RNF14: variants seen among roughly 807,000 people sequenced by gnomAD.
RNF14 encodes ring finger protein 14.
A neutral mutation model predicts 52.6 loss-of-function variants in RNF14; 26 were observed. The observed-to-expected ratio is 0.49, with a 90% CI of 0.36 to 0.69. RNF14 has a LOEUF of 0.69. RNF14 is among the 30% of genes least tolerant of loss of function. The probability of loss-of-function intolerance (pLI) is 0.00; values close to 1 mark genes in which losing one functional copy is unlikely to be tolerated. For missense variants in RNF14, 404 were observed against 560.4 expected (o/e 0.72, Z 2.82); for synonymous variants, 194 against 202.0 (o/e 0.96, Z 0.34).
upstream of RNF14, chr5:141,955,804 G>A: frequency 6.2e-7 from 1 of 1,613,808 alleles, no homozygotes; most frequent in South Asian, 1.1e-5. The surrounding 1 kb of genome is among the most constrained non-coding windows in gnomAD (Gnocchi z 5.5). Context: ...CTGTAAGGGG[G>A]GGCTTCCCTG....
At chr5:141,965,670 C>T (rs942898108), upstream of RNF14, among the ~76,000 whole-genome samples, 5 of 152,140 alleles carry the variant, frequency 3.3e-5, no homozygotes, top group African/African-American at 1.2e-4. Flanking sequence ...CTGGCCAAAC[C>T]TTAGTGCCTC....
At chr5:141,957,181 T>C (rs1230139776), upstream of RNF14, 5 of 1,614,046 alleles carry the variant, frequency 3.1e-6, no homozygotes, top group Admixed American at 3.3e-5. The surrounding 1 kb of genome is among the most constrained non-coding windows in gnomAD (Gnocchi z 4.3). Flanking sequence ...GGTACCTGAC[T>C]TGGGGGGGTT....
chr5:141,978,498 G>C lies in RNF14; in HGVS notation c.502G>C (p.Asp168His). The C allele has an allele frequency of 6.2e-7, 1 of 1,614,180 alleles. No individual in the cohort carries two copies. The highest frequency in any genetic ancestry group is 8.5e-7 in the Non-Finnish European group (1 of 1,180,026). ...TCAAGCTTCTCCCAACACAGAGCTA[G>C]ATTTTGGAGGAGCTGCTGGATCTGA... Reference protein sequence around the residue: ...TAQASPNTELDFGGAAGSDVD... With the variant: ...TAQASPNTELHFGGAAGSDVD... Residue 168 changes from aspartate to histidine, a missense_variant, in exon 5 of 9, where the codon GAT becomes CAT. Transcript: ENST00000394520.
upstream of RNF14, chr5:141,957,182 TG>T (rs776111123): frequency 3.1e-6 from 5 of 1,614,122 alleles, no homozygotes; most frequent in Non-Finnish European, 2.5e-6. The surrounding 1 kb of genome is among the most constrained non-coding windows in gnomAD (Gnocchi z 4.3). Flanking sequence ...GTACCTGACT[TG>T]GGGGGGTTCC....
upstream of RNF14, chr5:141,969,104 C>T (rs903245095): frequency 6.6e-6 from 1 of 152,384 alleles, no homozygotes; most frequent in South Asian, 2.1e-4. Context: ...TGACAGCTCC[C>T]GAGAACGGAA....
chr5:141,949,825 G>A, the RNF14 span, among the ~76,000 whole-genome samples: 3 of 152,184 alleles, frequency 2.0e-5, no homozygotes, highest in African/African-American at 4.8e-5. Flanking sequence ...AAAATGAGAC[G>A]TTGTAGGTAG....
At chr5:141,985,030 T>C in intron 8 of RNF14, 97 bp downstream of exon 8, 5 of 1,096,670 alleles carry the variant, frequency 4.6e-6, no homozygotes, top group Non-Finnish European at 5.3e-6. Context: ...TTGGACTTAT[T>C]TAGAGAATTC....
chr5:141,951,540 T>C, the RNF14 span: 6 of 1,614,100 alleles, frequency 3.7e-6, no homozygotes, highest in Non-Finnish European at 5.1e-6. Flanking sequence ...GGTGGTTTGG[T>C]TTGGGCTGGA....
At position 141,989,300 on chromosome 5, in the gene RNF14, C is replaced by G. The variant is rs1321726465; in HGVS notation, c.*1510C>G. 1.3e-5 allele frequency: 2 copies of G among 152,382 alleles called. No homozygotes were observed. The highest frequency in any genetic ancestry group is 6.5e-5 in the Admixed American group (1 of 15,298). 9.4% of individuals were successfully genotyped at this position (152,382 alleles called of 1,614,324 possible). A position where few individuals can be genotyped will look rare whatever the true frequency, so the allele number is the denominator to read the frequency against. ...AAAAAAAGGTCACAGAATAGCATCTCTTTTACCTGGGCTTGTGACTGAGCT... is the reference window on the plus strand; with the variant it reads ...AAAAAAAGGTCACAGAATAGCATCTGTTTTACCTGGGCTTGTGACTGAGCT... On this transcript the variant is annotated 3_prime_UTR_variant, in exon 9 of 9. Transcript: ENST00000394520.
rs1479005755 is a variant in RNF14, at chr5:141,978,575, A to G, written c.579A>G (p.Ser193=). 6.2e-7 allele frequency: 1 copy of G among 1,614,130 alleles called. No homozygotes were observed. Among genetic ancestry groups the G allele is most frequent in the Non-Finnish European group, 8.5e-7 (1 of 1,179,964 alleles). The change falls in exon 5 of 9, where the codon TCA becomes TCG. Residue 193 remains serine (S), a synonymous_variant. Transcript: ENST00000394520. ...VDERAVQDVE[S]LSNLIQEILD... Reference sequence around the variant, plus strand: ...AGAGAGCAGTGCAGGATGTGGAATCACTGTCAAATCTGATCCAGGAAATCT... The same window carrying G: ...AGAGAGCAGTGCAGGATGTGGAATCGCTGTCAAATCTGATCCAGGAAATCT...
chr5:141,949,916 T>C, the RNF14 span, among the ~76,000 whole-genome samples: 1 of 152,202 alleles, frequency 6.6e-6, no homozygotes, highest in South Asian at 2.1e-4. Flanking sequence ...TCATTCTCGT[T>C]GCCCCTCCCA....
chr5:141,952,878 AGGAGGTCC>A, the RNF14 span: 2 of 152,234 alleles, frequency 1.3e-5, no homozygotes, highest in Non-Finnish European at 2.9e-5. Flanking sequence ...TTCCTCCCTT[AGGAGGTCC>A]ACCATGCCCC....
chr5:141,986,320 TATTGGAAATCTAGTGTTGGAA>T (rs1755229772), intron 8 of RNF14, among the ~76,000 whole-genome samples: 1 of 152,222 alleles, frequency 6.6e-6, no homozygotes, highest in African/African-American at 2.4e-5. Context: ...TGCCATGAAC[TATTGGAAATCTAGTGTTGGAA>T]ATTGCATAAG....
intron 8 of RNF14, among the ~76,000 whole-genome samples, chr5:141,985,166 G>T (rs1172561039): frequency 6.6e-6 from 1 of 152,128 alleles, no homozygotes; most frequent in Non-Finnish European, 1.5e-5. Flanking sequence ...AAATTTGAAA[G>T]GATAGGACTA....
intron 1 of RNF14, among the ~76,000 whole-genome samples, chr5:141,960,204 C>T (rs939010072): frequency 6.6e-6 from 1 of 152,140 alleles, no homozygotes; most frequent in Non-Finnish European, 1.5e-5. Context: ...CACTATCCGC[C>T]CCGCAATCGT....
chr5:141,972,740 G>A lies in RNF14; in HGVS notation c.-6-843G>A, dbSNP rs144357810. Among the ~76,000 whole-genome samples the A allele has an allele frequency of 1.3e-4, 20 of 152,130 alleles. 1 individual carries two copies. Among genetic ancestry groups the A allele is most frequent in the African/African-American group, 4.8e-4 (20 of 41,504 alleles). ...CGAGTAGCTGGGATTACAGGGGTGA[G>A]CCACCACACCCAGCTAATTTTTGTA... On this transcript the variant is annotated intron_variant, in intron 2 of 8. Transcript: ENST00000394520.
At chr5:141,967,505 T>C (rs1166103337), upstream of RNF14, among the ~76,000 whole-genome samples, 1 of 152,110 alleles carries the variant, frequency 6.6e-6, no homozygotes, top group Non-Finnish European at 1.5e-5. Flanking sequence ...CCAAAGTCCA[T>C]TGTATCATTC....
Position 141,980,150 on chromosome 5 carries a change from T to C in RNF14, c.862T>C (p.Phe288Leu). Reference sequence around the variant, plus strand: ...CAAAGAGTTAGTGGAAGCAGAGTTATTTGCCCGTTATGACCGCCTTCTCCT... The same window carrying C: ...CAAAGAGTTAGTGGAAGCAGAGTTACTTGCCCGTTATGACCGCCTTCTCCT... The part of the protein sequence containing the change: ...QVKELVEAEL[F>L]ARYDRLLLQS... The change falls in exon 6 of 9, where the codon TTT becomes CTT. Residue 288 changes from phenylalanine to leucine, a missense_variant. By Grantham distance (22) the Phe-to-Leu change is conservative. Coordinates refer to ENST00000394520, the MANE Select transcript of RNF14 (RefSeq NM_004290.5). 6.2e-7 allele frequency: 1 copy of C among 1,614,228 alleles called. No homozygotes were observed. Among genetic ancestry groups the C allele is most frequent in the South Asian group, 1.1e-5 (1 of 91,084 alleles).
chr5:141,951,064 T>C, the RNF14 span, among the ~76,000 whole-genome samples: 1 of 152,156 alleles, frequency 6.6e-6, no homozygotes, highest in Admixed American at 6.5e-5. Flanking sequence ...TAAGGTGTCT[T>C]CAATTCTAGG....
Sources: allele counts gnomAD v4.1 joint callset (sites outside exome capture counted in the v4.1 genomes callset), GRCh38; gene constraint gnomAD v4.1.1; non-coding constraint Gnocchi (gnomAD v3.1); transcripts MANE v1.5; gene names NCBI Gene and HGNC (gene_info 2026-07-23, HGNC 2026-07-21).